The following RPS6KA5 variants were observed in gnomAD, a reference collection of about 807,000 sequenced individuals.
RPS6KA5 encodes ribosomal protein S6 kinase A5.
Under a neutral mutation model 85.5 loss-of-function variants are expected in RPS6KA5, and 27 were observed. The ratio of observed to expected loss-of-function variants is 0.32; its 90% confidence interval spans 0.23 to 0.44. The LOEUF is 0.44. Ranked by LOEUF, RPS6KA5 falls within the 20% of genes least tolerant of loss-of-function variation. The probability of loss-of-function intolerance (pLI) is 1.00; values close to 1 mark genes in which losing one functional copy is unlikely to be tolerated. For synonymous variants in RPS6KA5, 334 were observed against 348.2 expected, an observed-to-expected ratio of 0.96 and a Z score of 0.46; for missense variants, 811 against 980.9, an observed-to-expected ratio of 0.83 and a Z score of 2.31.
intron 16 of RPS6KA5, 30 bp downstream of exon 16, chr14:90,873,602 G>A (rs576822473): frequency 5.1e-5 from 79 of 1,556,646 alleles, no homozygotes; most frequent in South Asian, 3.8e-4. Context: ...TACTCAAACC[G>A]CCCAACATGT....
At position 90,976,920 on chromosome 14, in the gene RPS6KA5, C is replaced by T. The variant is rs116111617; in HGVS notation, c.394+1386G>A. On this transcript the variant is annotated intron_variant, in intron 3 of 16. Transcript: ENST00000614987. The stretch of plus-strand genomic sequence containing the variant: ...ATATAAAAGCACTCAATAAAATGGC[C>T]AAATATATATTAAAAAACCAGTTTG... Among the ~76,000 whole-genome samples the T allele has an allele frequency of 9.6e-3, 1,465 of 151,966 alleles. 26 individuals are homozygous for T. The highest frequency in any genetic ancestry group is 0.032 in the African/African-American group (1,306 of 41,414).
At chr14:91,008,785 G>A (rs907805347) in intron 1 of RPS6KA5, among the ~76,000 whole-genome samples, 3 of 152,178 alleles carry the variant, frequency 2.0e-5, no homozygotes, top group African/African-American at 7.2e-5. Context: ...AATTGAATCC[G>A]TAAGTAATAA....
At chr14:91,023,716 G>C (rs1355713616) in intron 1 of RPS6KA5, among the ~76,000 whole-genome samples, 1 of 150,654 alleles carries the variant, frequency 6.6e-6, no homozygotes, top group Non-Finnish European at 1.5e-5. Context: ...GCCTTGCTTT[G>C]TATGTCACTT....
intron 1 of RPS6KA5, among the ~76,000 whole-genome samples, chr14:91,049,876 T>C (rs1171859892): frequency 1.3e-5 from 2 of 152,320 alleles, no homozygotes; most frequent in South Asian, 2.1e-4. Context: ...CTGAATACCA[T>C]AGGCAACTGT....
chr14:90,959,385 T>G (rs375937730), intron 3 of RPS6KA5, among the ~76,000 whole-genome samples: 5 of 152,316 alleles, frequency 3.3e-5, no homozygotes, highest in African/African-American at 1.2e-4. Context: ...CTGGCTACTG[T>G]ATTGAGAATA....
chr14:90,925,635 A>G (rs183964281), intron 5 of RPS6KA5, among the ~76,000 whole-genome samples: 146 of 152,208 alleles, frequency 9.6e-4, no homozygotes, highest in African/African-American at 3.3e-3. Context: ...AGTGAACTAG[A>G]CTCCACAGAC....
intron 9 of RPS6KA5, among the ~76,000 whole-genome samples, chr14:90,901,721 T>C (rs1176665041): frequency 2.6e-5 from 4 of 152,224 alleles, no homozygotes; most frequent in East Asian, 1.9e-4. Context: ...GGTATACTTA[T>C]AGAAGTCAAA....
chr14:90,903,085 A>C, intron 8 of RPS6KA5, 116 bp from the exon 9 acceptor site: 1 of 840,282 alleles, frequency 1.2e-6, no homozygotes, highest in East Asian at 2.6e-5. Flanking sequence ...AAATAAGAGA[A>C]CATATTTCAA....
chr14:90,889,260 C>T (rs1180171176), intron 14 of RPS6KA5, among the ~76,000 whole-genome samples: 3 of 138,468 alleles, frequency 2.2e-5, no homozygotes, highest in East Asian at 4.3e-4. Context: ...TGCCACTGCA[C>T]TCCAGCCTGG....
chr14:91,005,553 T>G (rs190020348), intron 1 of RPS6KA5, among the ~76,000 whole-genome samples: 205 of 152,304 alleles, frequency 1.3e-3, no homozygotes, highest in Non-Finnish European at 1.5e-3. Context: ...TTTTTTTCAC[T>G]GTGTTAATGA....
chr14:91,016,321 C>T (rs1160880528), intron 1 of RPS6KA5, among the ~76,000 whole-genome samples: 1 of 152,108 alleles, frequency 6.6e-6, no homozygotes, highest in Non-Finnish European at 1.5e-5. Flanking sequence ...AGAGATCCTC[C>T]TGCCTCAGCC....
intron 3 of RPS6KA5, among the ~76,000 whole-genome samples, chr14:90,951,548 C>G (rs1267659678): frequency 6.6e-6 from 1 of 152,080 alleles, no homozygotes; most frequent in Non-Finnish European, 1.5e-5. Context: ...CCATCTAAAA[C>G]TTTAATTTGG....
rs558487425 is a variant in RPS6KA5 at position 90,884,866 on chromosome 14, A to G, written c.1836+5621T>C. ...GGAATTGCTGGATTATTTGGTCTGCATATGTTCAGTAGATACTGCCAAATA... is the reference window on the plus strand; with the variant it reads ...GGAATTGCTGGATTATTTGGTCTGCGTATGTTCAGTAGATACTGCCAAATA... On this transcript the variant is annotated intron_variant, in intron 14 of 16. Coordinates refer to ENST00000614987, the MANE Select transcript of RPS6KA5 (RefSeq NM_004755.4). Among the ~76,000 whole-genome samples, 216 of 152,314 alleles carry G rather than the reference A, an allele frequency of 1.4e-3. 1 individual carries two copies. Among genetic ancestry groups the G allele is most frequent in the African/African-American group, 4.7e-3 (195 of 41,568 alleles).
At chr14:90,959,222 A>G (rs2038676768) in intron 3 of RPS6KA5, among the ~76,000 whole-genome samples, 2 of 152,186 alleles carry the variant, frequency 1.3e-5, no homozygotes, top group Non-Finnish European at 2.9e-5. Context: ...ACTGCACAAC[A>G]TATTGTCATC....
chr14:90,914,462 C>T (rs932412395), intron 7 of RPS6KA5, among the ~76,000 whole-genome samples: 1 of 151,784 alleles, frequency 6.6e-6, no homozygotes, highest in African/African-American at 2.4e-5. Flanking sequence ...TTACAGGCAC[C>T]CATCACCATG....
chr14:91,022,043 T>C (rs1052945511), intron 1 of RPS6KA5, among the ~76,000 whole-genome samples: 1 of 152,240 alleles, frequency 6.6e-6, no homozygotes, highest in Admixed American at 6.5e-5. Context: ...GGTCATTTTA[T>C]ATACATTTAA....
chr14:90,997,264 C>T (rs2040567580), intron 2 of RPS6KA5, among the ~76,000 whole-genome samples: 1 of 152,054 alleles, frequency 6.6e-6, no homozygotes, highest in Non-Finnish European at 1.5e-5. Flanking sequence ...TTTATAGAAC[C>T]TTGTATTCAA....
intron 7 of RPS6KA5, 42 bp downstream of exon 7, chr14:90,920,164 T>C (rs2036330196): frequency 1.6e-6 from 2 of 1,240,262 alleles, no homozygotes; most frequent in African/African-American, 3.0e-5. Flanking sequence ...GATCAGTTCC[T>C]TTGAGAAAAC....
chr14:90,900,131 A>G lies in RPS6KA5; in HGVS notation c.1356T>C (p.Phe452=). 6.2e-7 allele frequency: 1 copy of G among 1,601,842 alleles called. No individual in the cohort carries two copies. Among genetic ancestry groups the G allele is most frequent in the Non-Finnish European group, 8.5e-7 (1 of 1,173,598 alleles). ...ACCTTTTGCTGATTATTTTGACTGCAAAAGCTTGGTTACTTTTTTTATGCA... is the reference window on the plus strand; with the variant it reads ...ACCTTTTGCTGATTATTTTGACTGCGAAAGCTTGGTTACTTTTTTTATGCA... The part of the protein sequence containing the change: ...KCVHKKSNQA[F]AVKIISKRME... The change falls in exon 11 of 17, where the codon TTT becomes TTC. Residue 452 remains phenylalanine (F), a synonymous_variant. Coordinates refer to ENST00000614987, the MANE Select transcript of RPS6KA5 (RefSeq NM_004755.4).
Sources: allele counts gnomAD v4.1 joint callset (sites outside exome capture counted in the v4.1 genomes callset), GRCh38; gene constraint gnomAD v4.1.1; transcripts MANE v1.5; gene names NCBI Gene and HGNC (gene_info 2026-07-23, HGNC 2026-07-21).